SHISA9: variants seen among roughly 807,000 people sequenced by gnomAD.
The protein encoded by SHISA9 is protein shisa-9.
Under a neutral mutation model 38.0 loss-of-function variants are expected in SHISA9, and 13 were observed. That is an observed-to-expected ratio of 0.34 (90% confidence interval 0.22 to 0.54). The LOEUF (loss-of-function observed/expected upper bound fraction) is 0.54, where lower values mean the gene tolerates loss of function less well. Among genes scored for constraint, SHISA9 ranks in the 20% least tolerant of loss-of-function variants. The pLI, the probability that SHISA9 is intolerant of heterozygous loss-of-function variation, is 0.91. For synonymous variants in SHISA9, 275 were observed against 242.0 expected (o/e 1.14, Z -1.27); for missense variants, 538 against 575.8 (o/e 0.93, Z 0.67).
intron 2 of SHISA9, among the ~76,000 whole-genome samples, chr16:12,997,886 G>A (rs532155813): frequency 3.5e-4 from 53 of 152,256 alleles, no homozygotes; most frequent in African/African-American, 1.3e-3. Flanking sequence ...TCATCCACCT[G>A]AGAAGCTTGC....
intron 1 of SHISA9, among the ~76,000 whole-genome samples, chr16:12,912,509 T>C (rs1303487474): frequency 6.6e-6 from 1 of 152,176 alleles, no homozygotes; most frequent in Non-Finnish European, 1.5e-5. Flanking sequence ...TCGAGAAACA[T>C]GCACAAACAC....
chr16:13,203,990 C>G (rs1250385000), intron 3 of SHISA9, among the ~76,000 whole-genome samples: 8 of 152,122 alleles, frequency 5.3e-5, no homozygotes, highest in Non-Finnish European at 1.2e-4. Context: ...CACCCATCCA[C>G]CTATTCACTT....
the SHISA9 span, among the ~76,000 whole-genome samples, chr16:13,438,283 G>C: frequency 6.6e-6 from 1 of 152,104 alleles, no homozygotes; most frequent in Non-Finnish European, 1.5e-5. Context: ...TAAGATTCTG[G>C]GAGGTTTAGA....
At chr16:13,148,190 G>C (rs1481351546) in intron 2 of SHISA9, among the ~76,000 whole-genome samples, 1 of 151,970 alleles carries the variant, frequency 6.6e-6, no homozygotes, top group Non-Finnish European at 1.5e-5. Flanking sequence ...CATCACCCCT[G>C]CACATCACAT....
the SHISA9 span, among the ~76,000 whole-genome samples, chr16:13,486,682 A>G: frequency 0.055 from 8,430 of 152,184 alleles, 414 homozygotes; most frequent in East Asian, 0.21. Flanking sequence ...GGGATCTGCA[A>G]TAATCCTCTC....
intron 2 of SHISA9, among the ~76,000 whole-genome samples, chr16:12,973,569 A>G (rs907458600): frequency 6.6e-6 from 1 of 152,242 alleles, no homozygotes; most frequent in Non-Finnish European, 1.5e-5. Context: ...TTCCTCCTGC[A>G]GACAAAAATG....
At chr16:13,268,384 C>G in the SHISA9 span, among the ~76,000 whole-genome samples, 1 of 152,130 alleles carries the variant, frequency 6.6e-6, no homozygotes, top group South Asian at 2.1e-4. Context: ...GTGGCACATG[C>G]CTGTAATCCC....
chr16:13,218,306 T>C (rs1378130847), intron 4 of SHISA9, among the ~76,000 whole-genome samples: 3 of 152,148 alleles, frequency 2.0e-5, no homozygotes, highest in East Asian at 3.9e-4. Flanking sequence ...CCAGTATTCA[T>C]TTTTAAAATG....
the SHISA9 span, among the ~76,000 whole-genome samples, chr16:13,285,282 T>A: frequency 6.6e-6 from 1 of 152,142 alleles, no homozygotes; most frequent in African/African-American, 2.4e-5. Context: ...TGAAATTCTT[T>A]TTCATACAGT....
chr16:12,951,196 G>C (rs543415408), intron 2 of SHISA9, among the ~76,000 whole-genome samples: 16 of 117,262 alleles, frequency 1.4e-4, no homozygotes, highest in African/African-American at 4.0e-4. Flanking sequence ...ACTCCAACCT[G>C]GGTGACAGAG....
the SHISA9 span, among the ~76,000 whole-genome samples, chr16:13,248,440 A>T: frequency 6.6e-6 from 1 of 152,190 alleles, no homozygotes; most frequent in Admixed American, 6.5e-5. Flanking sequence ...AAATAAAGAG[A>T]GGCACTGCAT....
the SHISA9 span, among the ~76,000 whole-genome samples, chr16:13,382,883 T>G: frequency 6.6e-6 from 1 of 152,174 alleles, no homozygotes; most frequent in Admixed American, 6.5e-5. Context: ...ACAAAGTAAA[T>G]TTAAAAAATT....
chr16:13,029,294 A>G (rs1470611938), intron 2 of SHISA9, among the ~76,000 whole-genome samples: 3 of 152,246 alleles, frequency 2.0e-5, no homozygotes, highest in Admixed American at 6.5e-5. Flanking sequence ...ACAATGGAGT[A>G]CTATTCAGCC....
chr16:13,005,870 A>G (rs535841590), intron 2 of SHISA9, among the ~76,000 whole-genome samples: 1 of 152,308 alleles, frequency 6.6e-6, no homozygotes, highest in African/African-American at 2.4e-5. Flanking sequence ...GCCTGTTTAG[A>G]AAGGCGTTGC....
At chr16:13,451,680 A>G in the SHISA9 span, among the ~76,000 whole-genome samples, 1 of 152,216 alleles carries the variant, frequency 6.6e-6, no homozygotes, top group Non-Finnish European at 1.5e-5. Flanking sequence ...TAGTTGGGAA[A>G]ATGCTTTGCA....
the SHISA9 span, among the ~76,000 whole-genome samples, chr16:13,305,656 C>G: frequency 6.6e-6 from 1 of 152,194 alleles, no homozygotes; most frequent in Non-Finnish European, 1.5e-5. Flanking sequence ...AGGCATTAAC[C>G]TGGAAGTGGA....
At chr16:13,133,077 G>T (rs1199908594) in intron 2 of SHISA9, among the ~76,000 whole-genome samples, 1 of 152,182 alleles carries the variant, frequency 6.6e-6, no homozygotes. Flanking sequence ...ATGAGATATT[G>T]CCTCTACATT....
At chr16:13,441,777 C>G in the SHISA9 span, among the ~76,000 whole-genome samples, 1 of 152,142 alleles carries the variant, frequency 6.6e-6, no homozygotes, top group African/African-American at 2.4e-5. Context: ...GAAGTCACCC[C>G]AGCTTAAAAC....
At chr16:13,382,815 G>T in the SHISA9 span, among the ~76,000 whole-genome samples, 1 of 152,180 alleles carries the variant, frequency 6.6e-6, no homozygotes, top group Non-Finnish European at 1.5e-5. Flanking sequence ...CCGAGATCAT[G>T]CCACTGCACT....
Sources: allele counts gnomAD v4.1 joint callset (sites outside exome capture counted in the v4.1 genomes callset), GRCh38; gene constraint gnomAD v4.1.1; transcripts MANE v1.5; gene names NCBI Gene and HGNC (gene_info 2026-07-23, HGNC 2026-07-21).